TAF1B: variants seen among roughly 807,000 people sequenced by gnomAD.
The protein encoded by TAF1B is TATA-box binding protein associated factor, RNA polymerase I subunit B, also known as TATA box-binding protein-associated factor RNA polymerase I subunit B.
In TAF1B, 61 loss-of-function variants were observed where a neutral mutation model predicts 83.9. The observed-to-expected ratio is 0.73, with a 90% CI of 0.59 to 0.90. TAF1B has a LOEUF of 0.90. Ranked by LOEUF, TAF1B falls within the 40% of genes least tolerant of loss-of-function variation. The pLI is 0.00. For synonymous variants in TAF1B, 221 were observed against 224.6 expected, an observed-to-expected ratio of 0.98 and a Z score of 0.14; for missense variants, 625 against 677.0, an observed-to-expected ratio of 0.92 and a Z score of 0.85.
intron 8 of TAF1B, among the ~76,000 whole-genome samples, chr2:9,883,905 G>A (rs1011021806): frequency 2.6e-5 from 4 of 152,204 alleles, no homozygotes; most frequent in African/African-American, 4.8e-5. Flanking sequence ...TTGGGGTGCC[G>A]TTTTTCTGGC....
intron 8 of TAF1B, among the ~76,000 whole-genome samples, chr2:9,902,944 C>G (rs538178202): frequency 7.0e-4 from 106 of 152,344 alleles, no homozygotes; most frequent in Admixed American, 1.8e-3. Context: ...TCCAAGCCTT[C>G]TATCTCCTTT....
At chr2:9,927,022 G>GCCCCCCCCCCCCCCCCC (rs70948856) in intron 14 of TAF1B, among the ~76,000 whole-genome samples, 1 of 135,840 alleles carries the variant, frequency 7.4e-6, no homozygotes, top group Non-Finnish European at 1.5e-5. Context: ...CCCTCCCCCT[G>GCCCCCCCCCCCCCCCCC]CCCCCACCCC....
At chr2:9,903,610 T>C (rs1289877480) in intron 8 of TAF1B, among the ~76,000 whole-genome samples, 1 of 152,152 alleles carries the variant, frequency 6.6e-6, no homozygotes, top group African/African-American at 2.4e-5. Flanking sequence ...TAGTATAAAG[T>C]TGAATTGTGG....
chr2:9,872,094 G>A (rs147120923), intron 6 of TAF1B, among the ~76,000 whole-genome samples: 2,171 of 152,176 alleles, frequency 0.014, 53 homozygotes, highest in African/African-American at 0.049. Context: ...TTGGGAGGCC[G>A]ACGCAGGCGG....
intron 14 of TAF1B, 33 bp downstream of exon 14, chr2:9,919,853 T>G: frequency 2.5e-6 from 4 of 1,576,428 alleles, no homozygotes; most frequent in Non-Finnish European, 3.5e-6. Flanking sequence ...TCACATATAA[T>G]TGAAGTAGTT....
chr2:9,872,912 C>G (rs1664212786), intron 6 of TAF1B, among the ~76,000 whole-genome samples: 1 of 152,172 alleles, frequency 6.6e-6, no homozygotes, highest in South Asian at 2.1e-4. Flanking sequence ...ACTGCTGGTC[C>G]AGGAGTATAC....
In TAF1B at chr2:9,851,616, T is replaced by C; in HGVS notation, c.281T>C (p.Leu94Pro). 1.2e-6 allele frequency: 2 copies of C among 1,612,542 alleles called. No individual in the cohort carries two copies. The highest frequency in any genetic ancestry group is 2.2e-5 in the East Asian group (1 of 44,762). ...CAACAAGCAGAAGCCTTAAAGAACC[T>C]TGGAGTAGGCCCAGAGTTAAAGGTA... ...LYQQAEALKN[L>P]GVGPELKNDV... Residue 94 changes from leucine (L) to proline (P), a missense_variant, in exon 4 of 15, where the codon CTT (leucine) becomes CCT (proline). By Grantham distance (98) the Leu-to-Pro change is moderately conservative. Coordinates refer to ENST00000263663, the MANE Select transcript of TAF1B (RefSeq NM_005680.3).
intron 14 of TAF1B, among the ~76,000 whole-genome samples, chr2:9,928,104 C>T (rs191708801): frequency 0.048 from 7,376 of 152,250 alleles, 232 homozygotes; most frequent in Non-Finnish European, 0.073. Flanking sequence ...TTCCCAACAC[C>T]GTTTATTAAA....
At chr2:9,880,320 C>A (rs1664459968) in intron 7 of TAF1B, among the ~76,000 whole-genome samples, 1 of 149,504 alleles carries the variant, frequency 6.7e-6, no homozygotes. Context: ...ATATGAGATG[C>A]TTTTAGTCTA....
intron 8 of TAF1B, among the ~76,000 whole-genome samples, chr2:9,883,316 C>T (rs1165381266): frequency 6.6e-6 from 1 of 152,140 alleles, no homozygotes; most frequent in Non-Finnish European, 1.5e-5. Flanking sequence ...ATTGGTGGTA[C>T]TCAAAGGTTA....
intron 4 of TAF1B, chr2:9,852,101 A>G (rs558331473): frequency 2.8e-4 from 131 of 463,296 alleles, no homozygotes; most frequent in South Asian, 2.0e-3. Flanking sequence ...ACCTGAGTGC[A>G]TCAGAATCAC....
At chr2:9,882,311 G>C (rs1397623936) in intron 7 of TAF1B, among the ~76,000 whole-genome samples, 1 of 152,106 alleles carries the variant, frequency 6.6e-6, no homozygotes, top group Non-Finnish European at 1.5e-5. Flanking sequence ...TATTGGCCAG[G>C]CTGGTCTCGG....
chr2:9,851,540 GAAAA>G lies in TAF1B; in HGVS notation c.207_210del (p.Lys70AlafsTer21). 1.3e-6 allele frequency: 2 copies of G among 1,595,218 alleles called. No individual in the cohort carries two copies. The highest frequency in any genetic ancestry group is 1.7e-6 in the Non-Finnish European group (2 of 1,173,434). On this transcript the variant is annotated frameshift_variant and splice_region_variant, in exon 4 of 15. Transcript: ENST00000263663. LOFTEE classifies it high-confidence loss of function. The stretch of plus-strand genomic sequence containing the variant: ...GCTAAAACATGCTATTTGTCATTTA[GAAAA>G]AGGCTGGGATTGGTATGTGTGTGAA...
chr2:9,920,805 G>C (rs1451863733), intron 14 of TAF1B, among the ~76,000 whole-genome samples: 1 of 152,146 alleles, frequency 6.6e-6, no homozygotes, highest in Non-Finnish European at 1.5e-5. Flanking sequence ...GGCATGTGAA[G>C]TCTAGAAAAC....
intron 9 of TAF1B, among the ~76,000 whole-genome samples, chr2:9,909,181 C>T (rs1046942706): frequency 7.2e-5 from 11 of 152,110 alleles, no homozygotes; most frequent in Admixed American, 5.2e-4. Context: ...GTAATTAGTA[C>T]GAATTATGTG....
chr2:9,873,105 G>T (rs1056779046), intron 6 of TAF1B, among the ~76,000 whole-genome samples: 1 of 152,088 alleles, frequency 6.6e-6, no homozygotes, highest in Non-Finnish European at 1.5e-5. Flanking sequence ...CATTTCACTG[G>T]GATGAAATCT....
chr2:9,858,613 C>G (rs1383854107), intron 5 of TAF1B, among the ~76,000 whole-genome samples: 1 of 152,266 alleles, frequency 6.6e-6, no homozygotes, highest in South Asian at 2.1e-4. Flanking sequence ...TCTGCCTGGA[C>G]ATCCAGGCAT....
rs572233496 is a variant in TAF1B at position 9,932,829 on chromosome 2, C to T, written c.1566-954C>T. 5.9e-5 allele frequency among the ~76,000 whole-genome samples: 9 copies of T among 152,328 alleles called. No individual in the cohort carries two copies. In the South Asian group the frequency reaches 8.3e-4, roughly 14 times the overall value. ...TTGCTGAGCTGCAGTGGGCTCTGCCCGGTTTGAGCTTCCTGACCGCTTTGT... is the reference window on the plus strand; with the variant it reads ...TTGCTGAGCTGCAGTGGGCTCTGCCTGGTTTGAGCTTCCTGACCGCTTTGT... On this transcript the variant is annotated intron_variant, in intron 14 of 14. Transcript: ENST00000263663.
At position 9,868,843 on chromosome 2, in the gene TAF1B, A is replaced by T. The variant is rs139101422; in HGVS notation, c.553+414A>T. 8.3e-6 allele frequency: 3 copies of T among 359,974 alleles called. No individual in the cohort carries two copies. The East Asian group carries it at 2.3e-4, about 27-fold the overall frequency. The allele number at this position is 359,974 out of a possible 1,614,324, so 22.3% of individuals were successfully genotyped here. On this transcript the variant is annotated intron_variant, in intron 6 of 14. Transcript: ENST00000263663. ...CATAGACTAAATCAAGCTGAGTAAAATTTACCTTGTTACATGTGTGTTTTA... is the reference window on the plus strand; with the variant it reads ...CATAGACTAAATCAAGCTGAGTAAATTTTACCTTGTTACATGTGTGTTTTA...
Sources: gnomAD v4.1 joint callset for allele counts (sites outside exome capture counted in the v4.1 genomes callset) on GRCh38, gnomAD v4.1.1 for gene constraint, MANE v1.5 for transcripts, NCBI Gene and HGNC (gene_info 2026-07-23, HGNC 2026-07-21) for gene names.